FCHO2: variants seen among roughly 807,000 people sequenced by gnomAD.
FCHO2 encodes the protein F-BAR domain only protein 2.
FCHO2 carries 43 observed loss-of-function variants against 114.1 expected under a neutral mutation model. The observed-to-expected ratio is 0.38, with a 90% confidence interval of 0.30 to 0.49. The LOEUF is 0.49. Among genes scored for constraint, FCHO2 ranks in the 20% least tolerant of loss-of-function variants. The probability of loss-of-function intolerance (pLI) is 0.97; values close to 1 mark genes in which losing one functional copy is unlikely to be tolerated. For synonymous variants in FCHO2, 293 were observed against 315.2 expected (o/e 0.93, Z 0.75); for missense variants, 807 against 950.4 (o/e 0.85, Z 1.98).
chr5:73,039,009 A>G (rs938631874), intron 10 of FCHO2, among the ~76,000 whole-genome samples: 2 of 152,202 alleles, frequency 1.3e-5, no homozygotes, highest in African/African-American at 4.8e-5. Flanking sequence ...TTTTTAAAAC[A>G]GTTTTCCTTA....
intron 10 of FCHO2, among the ~76,000 whole-genome samples, chr5:73,039,655 C>T (rs773043763): frequency 8.2e-5 from 12 of 147,044 alleles, no homozygotes; most frequent in African/African-American, 1.3e-4. Context: ...GGGCCAGGCC[C>T]GGTGGCTCAT....
chr5:73,061,001 T>G (rs1428184158), intron 17 of FCHO2, among the ~76,000 whole-genome samples: 1 of 139,066 alleles, frequency 7.2e-6, no homozygotes, highest in East Asian at 2.2e-4. Context: ...TGAACTCTTG[T>G]GCTCACAAAA....
Position 72,990,798 on chromosome 5 carries a change from C to T in FCHO2, c.429C>T (p.Tyr143=). 1 of 1,552,920 alleles carries T rather than the reference C, an allele frequency of 6.4e-7. No individual in the cohort carries two copies. The highest frequency in any genetic ancestry group is 1.2e-5 in the South Asian group (1 of 84,080). Residue 143 remains tyrosine (Y), a synonymous_variant, in exon 5 of 26, where the codon TAC becomes TAT. Coordinates refer to ENST00000430046, the MANE Select transcript of FCHO2 (RefSeq NM_138782.3). ...CCCTCCAGAAATCCAAGGAAAATTACAATGCCAAGTGTGTAGAACAGGAGC... is the reference window on the plus strand; with the variant it reads ...CCCTCCAGAAATCCAAGGAAAATTATAATGCCAAGTGTGTAGAACAGGAGC... ...TQALQKSKEN[Y]NAKCVEQERL... is the part of the protein sequence containing the mutation.
At position 73,088,058 on chromosome 5, in the gene FCHO2, C is replaced by T. The variant is rs774813276; in HGVS notation, c.2411-10C>T. ...ATTGTAATTGCAAAGGTCTGCTTGG[C>T]GTTTTTCAGGACGATACCTGGCGGA... On this transcript the variant is annotated splice_polypyrimidine_tract_variant and intron_variant, in intron 25 of 25. Transcript: ENST00000430046. 1.1e-5 allele frequency: 17 copies of T among 1,613,308 alleles called. No homozygotes were observed. In the East Asian group the frequency reaches 2.9e-4, roughly 28 times the overall value.
intron 6 of FCHO2, among the ~76,000 whole-genome samples, chr5:73,012,969 T>A (rs116053151): frequency 6.6e-6 from 1 of 152,316 alleles, no homozygotes; most frequent in Non-Finnish European, 1.5e-5. Flanking sequence ...ATGAAGACAG[T>A]TTCCTCGGAA....
chr5:73,049,001 C>T (rs904835407), intron 11 of FCHO2, among the ~76,000 whole-genome samples: 3 of 150,748 alleles, frequency 2.0e-5, no homozygotes, highest in South Asian at 2.1e-4. Context: ...CTCAGCCTCC[C>T]GAGTAGCTGG....
At chr5:73,046,693 A>G (rs1036959058) in intron 11 of FCHO2, among the ~76,000 whole-genome samples, 17 of 152,318 alleles carry the variant, frequency 1.1e-4, no homozygotes, top group African/African-American at 4.1e-4. Flanking sequence ...TTTTAAAGTG[A>G]TATTTGCATA....
chr5:72,975,487 C>T (rs540457716), intron 2 of FCHO2, among the ~76,000 whole-genome samples: 23 of 151,644 alleles, frequency 1.5e-4, no homozygotes, highest in Admixed American at 2.6e-4. Flanking sequence ...CCATCATGTT[C>T]GGCTGATTTT....
intron 8 of FCHO2, among the ~76,000 whole-genome samples, chr5:73,028,819 T>G (rs896129804): frequency 2.6e-5 from 4 of 151,912 alleles, no homozygotes; most frequent in Admixed American, 6.6e-5. Context: ...CCCAGTTAGT[T>G]TTTGTATTTT....
At chr5:73,043,899 A>G (rs1756930554) in intron 11 of FCHO2, among the ~76,000 whole-genome samples, 1 of 152,144 alleles carries the variant, frequency 6.6e-6, no homozygotes, top group Admixed American at 6.5e-5. Context: ...TCTGTGGCTG[A>G]TGTGACTTGG....
intron 1 of FCHO2, among the ~76,000 whole-genome samples, chr5:72,962,899 A>C (rs1240046275): frequency 6.6e-6 from 1 of 152,042 alleles, no homozygotes; most frequent in African/African-American, 2.4e-5. Flanking sequence ...CTCAAAAAAA[A>C]AAAAGTATTA....
chr5:73,056,657 G>A (rs554186534), intron 16 of FCHO2, among the ~76,000 whole-genome samples: 1 of 152,098 alleles, frequency 6.6e-6, no homozygotes, highest in African/African-American at 2.4e-5. Context: ...AACCACAGTT[G>A]GCCTTGGTAG....
At chr5:73,041,564 C>CAT (rs1756804730) in intron 11 of FCHO2, among the ~76,000 whole-genome samples, 1 of 151,994 alleles carries the variant, frequency 6.6e-6, no homozygotes, top group Admixed American at 6.5e-5. Flanking sequence ...GGAGTGGTGC[C>CAT]ATATCATTCT....
At chr5:72,981,040 G>A (rs562666921) in intron 2 of FCHO2, among the ~76,000 whole-genome samples, 53 of 152,144 alleles carry the variant, frequency 3.5e-4, no homozygotes, top group Admixed American at 5.2e-4. Flanking sequence ...TCATAATGTC[G>A]GTGGTCTTTA....
At chr5:72,975,317 A>G (rs1453625793) in intron 2 of FCHO2, among the ~76,000 whole-genome samples, 3 of 152,128 alleles carry the variant, frequency 2.0e-5, no homozygotes, top group Non-Finnish European at 2.9e-5. Flanking sequence ...CTTTGTATAC[A>G]TTATCTGATT....
chr5:72,996,995 C>T, intron 5 of FCHO2: 1 of 1,597,636 alleles, frequency 6.3e-7, no homozygotes, highest in Non-Finnish European at 8.5e-7. Flanking sequence ...CTTCTCCGCC[C>T]TTTTGCGGTG....
intron 18 of FCHO2, among the ~76,000 whole-genome samples, chr5:73,064,881 C>T (rs985810506): frequency 1.8e-4 from 28 of 152,050 alleles, no homozygotes; most frequent in African/African-American, 6.8e-4. Context: ...CTAGGCAAAA[C>T]CCTCTTTGAT....
intron 2 of FCHO2, among the ~76,000 whole-genome samples, chr5:72,971,407 A>G (rs1445645403): frequency 2.6e-5 from 4 of 152,218 alleles, no homozygotes; most frequent in African/African-American, 7.2e-5. Context: ...CTGGTGTGAG[A>G]TGGTATCTCA....
chr5:72,972,960 CAT>C (rs1199212957), intron 2 of FCHO2, among the ~76,000 whole-genome samples: 1 of 152,284 alleles, frequency 6.6e-6, no homozygotes, highest in Admixed American at 6.5e-5. Flanking sequence ...TTGAGATAAT[CAT>C]GTGGTTTTTG....
Sources: gnomAD v4.1 joint callset for allele counts (sites outside exome capture counted in the v4.1 genomes callset) on GRCh38, gnomAD v4.1.1 for gene constraint, MANE v1.5 for transcripts, NCBI Gene and HGNC (gene_info 2026-07-23, HGNC 2026-07-21) for gene names.